OTOG: variants seen among roughly 807,000 people sequenced by gnomAD.
OTOG encodes the protein otogelin.
In OTOG, 296 loss-of-function variants were observed where a neutral mutation model predicts 313.8. The ratio of observed to expected loss-of-function variants is 0.94; its 90% CI spans 0.86 to 1.04. OTOG has a LOEUF of 1.04. Ranked by LOEUF, OTOG falls within the 50% of genes least tolerant of loss-of-function variation. The pLI is 0.00. For synonymous variants in OTOG, 1,533 were observed against 1,554.9 expected, an observed-to-expected ratio of 0.99 and a Z score of 0.33; for missense variants, 3,948 against 3,840.1, an observed-to-expected ratio of 1.03 and a Z score of -0.74.
Position 17,555,907 on chromosome 11 carries a change from A to T in OTOG, c.659+10A>T. On this transcript the variant is annotated intron_variant, in intron 7 of 55. Transcript: ENST00000399397. Reference sequence around the variant, plus strand: ...CCCATGGAGGCATGAGGTAACTCTAACACCTTCCACATCGAGCTGTCCTAT... The same window carrying T: ...CCCATGGAGGCATGAGGTAACTCTATCACCTTCCACATCGAGCTGTCCTAT... 1 of 1,537,012 alleles carries T rather than the reference A, an allele frequency of 6.5e-7. No individual in the cohort carries two copies. Among genetic ancestry groups the T allele is most frequent in the Non-Finnish European group, 8.8e-7 (1 of 1,134,340 alleles).
intron 27 of OTOG, 97 bp downstream of exon 27, chr11:17,593,853 G>A (rs1244382435): frequency 1.4e-6 from 2 of 1,464,712 alleles, no homozygotes; most frequent in African/African-American, 2.8e-5. Flanking sequence ...GAGCCAAGAA[G>A]AGCATGCCTC....
At chr11:17,639,381 A>G in intron 48 of OTOG, 42 bp from the exon 49 acceptor site, 1 of 1,547,624 alleles carries the variant, frequency 6.5e-7, no homozygotes, top group Non-Finnish European at 8.7e-7. Context: ...TCCTACCTGG[A>G]CATCCCTGAT....
At position 17,593,321 on chromosome 11, in the gene OTOG, A is replaced by G. The variant is rs1463567686; in HGVS notation, c.3135A>G (p.Gly1045=). 1 of 1,550,590 alleles carries G rather than the reference A, an allele frequency of 6.4e-7. No individual in the cohort carries two copies. Among genetic ancestry groups the G allele is most frequent in the Non-Finnish European group, 8.7e-7 (1 of 1,146,980 alleles). ...TCATTGTCTTTGATGATGACTCCGG[A>G]AATCCTGTAAGGCTCAGTGCCTGTG... The part of the protein sequence containing the change: ...NSLIVFDDDS[G]NPSPESFLDD... Residue 1045 remains glycine, a synonymous_variant, in exon 26 of 56, where the codon GGA becomes GGG. Transcript: ENST00000399397.
chr11:17,556,338 AC>A, intron 7 of OTOG, among the ~76,000 whole-genome samples: 1 of 152,124 alleles, frequency 6.6e-6, no homozygotes, highest in Non-Finnish European at 1.5e-5. Flanking sequence ...TTGGAGGACC[AC>A]CAGAGGAGTG....
rs1565117570 is a variant in OTOG, at chr11:17,611,332, C to G, written c.6032C>G (p.Ser2011Cys). 6.4e-7 allele frequency: 1 copy of G among 1,550,534 alleles called. No individual in the cohort carries two copies. The highest frequency in any genetic ancestry group is 1.2e-5 in the South Asian group (1 of 84,042). ...GTGGACGAGGCCACCACAGAACCAT[C>G]TGGGCGCTCAGCCCCAGCCCTGAGC... ...EPVDEATTEP[S>C]GRSAPALSIV... Residue 2011 changes from serine to cysteine, a missense_variant, in exon 36 of 56, where the codon TCT (serine) becomes TGT (cysteine). Ser to Cys is a moderately radical substitution (Grantham distance 112). Coordinates refer to ENST00000399397, the MANE Select transcript of OTOG (RefSeq NM_001292063.2).
In OTOG at chr11:17,609,785, C is replaced by A. The variant is rs1187046741; in HGVS notation, c.4485C>A (p.His1495Gln). 6.5e-7 allele frequency: 1 copy of A among 1,548,494 alleles called. No homozygotes were observed. Among genetic ancestry groups the A allele is most frequent in the Non-Finnish European group, 8.7e-7 (1 of 1,145,918 alleles). Reference protein sequence around the residue: ...LSQESPRTPTHRPALTPAAPL... With the variant: ...LSQESPRTPTQRPALTPAAPL... Reference sequence around the variant, plus strand: ...AGGAAAGCCCCAGGACCCCCACCCACAGGCCAGCCCTCACCCCAGCTGCCC... The same window carrying A: ...AGGAAAGCCCCAGGACCCCCACCCAAAGGCCAGCCCTCACCCCAGCTGCCC... Residue 1495 changes from histidine (H) to glutamine (Q), a missense_variant, in exon 36 of 56, where the codon CAC becomes CAA. His to Gln is a conservative substitution (Grantham distance 24). Transcript: ENST00000399397.
chr11:17,596,891 C>G lies in OTOG; in HGVS notation c.3566C>G (p.Thr1189Arg). 1 of 1,551,078 alleles carries G rather than the reference C, an allele frequency of 6.4e-7. No individual in the cohort carries two copies. Among genetic ancestry groups the G allele is most frequent in the Non-Finnish European group, 8.7e-7 (1 of 1,147,102 alleles). ...TTTTACTCAAACTGCCTGACAGACA[C>G]ATGTGGCTGCAGCCAGGGTGGTGAC... ...TWFYSNCLTD[T>R]CGCSQGGDCE... Residue 1189 changes from threonine (T) to arginine (R), a missense_variant, in exon 30 of 56, where the codon ACA becomes AGA. Coordinates refer to ENST00000399397, the MANE Select transcript of OTOG (RefSeq NM_001292063.2).
At chr11:17,620,217 C>A (rs1034184106) in intron 39 of OTOG, among the ~76,000 whole-genome samples, 5 of 152,168 alleles carry the variant, frequency 3.3e-5, no homozygotes, top group South Asian at 2.1e-4. Context: ...CAAAAGGCAA[C>A]CCCATACCCA....
chr11:17,589,621 T>G (rs1333428600), intron 24 of OTOG, among the ~76,000 whole-genome samples: 1 of 152,202 alleles, frequency 6.6e-6, no homozygotes, highest in Non-Finnish European at 1.5e-5. Flanking sequence ...ATATATCGTT[T>G]GAAAAACTTC....
At chr11:17,606,156 G>T (rs923702998) in intron 33 of OTOG, 21 bp downstream of exon 33, 3 of 1,509,462 alleles carry the variant, frequency 2.0e-6, no homozygotes, top group Admixed American at 4.1e-5. Context: ...CCCTGCCATT[G>T]CCCTCGGCCC....
At chr11:17,639,857 G>C (rs1388457848) in intron 49 of OTOG, among the ~76,000 whole-genome samples, 1 of 149,444 alleles carries the variant, frequency 6.7e-6, no homozygotes, top group Non-Finnish European at 1.5e-5. Flanking sequence ...TGGTGATGGT[G>C]ATAATGCAAT....
Position 17,629,354 on chromosome 11 carries a change from C to T in OTOG, c.6712+38C>T, listed in dbSNP as rs1187170596. Reference sequence around the variant, plus strand: ...CCAGCTTGCGGGGAGGGGATGCTTCCCAGGTCCACCTCTGCCCCCACACAT... The same window carrying T: ...CCAGCTTGCGGGGAGGGGATGCTTCTCAGGTCCACCTCTGCCCCCACACAT... On this transcript the variant is annotated intron_variant, in intron 40 of 55. Coordinates refer to ENST00000399397, the MANE Select transcript of OTOG (RefSeq NM_001292063.2). 6 of 1,520,816 alleles carry T rather than the reference C, an allele frequency of 3.9e-6. 1 individual carries two copies. In the South Asian group the frequency reaches 7.4e-5, roughly 19 times the overall value. 94.2% of individuals were successfully genotyped at this position (1,520,816 alleles called of 1,614,324 possible).
rs1477235426 is a variant in OTOG at position 17,569,163 on chromosome 11, A to G, written c.1652A>G (p.Asp551Gly). ...ACCTTTCTATCTCTCCAGAACCAAG[A>G]TGGAGCCTGTGTCCAGTCAGTGTCA... ...LQNAPCGLNQ[D>G]GACVQSVSVI... The change falls in exon 16 of 56, where the codon GAT becomes GGT. Residue 551 changes from aspartate (D) to glycine (G), a missense_variant. By Grantham distance (94) the Asp-to-Gly change is moderately conservative. Transcript: ENST00000399397. 10 of 1,550,616 alleles carry G rather than the reference A, an allele frequency of 6.4e-6. No homozygotes were observed. The Admixed American group carries it at 1.8e-4, about 27-fold the overall frequency.
rs189543038 is a variant in OTOG, at chr11:17,632,245, G to A, written c.7072+19G>A. The stretch of plus-strand genomic sequence containing the variant: ...TACTGCCGTGAGTTTGCGGGGCAGG[G>A]GGACCCTCCATTGTGACTATTGTTC... On this transcript the variant is annotated intron_variant, in intron 42 of 55. Transcript: ENST00000399397. 7.8e-5 allele frequency: 121 copies of A among 1,544,580 alleles called. No individual in the cohort carries two copies. Among genetic ancestry groups the A allele is most frequent in the African/African-American group, 4.7e-4 (34 of 73,070 alleles).
chr11:17,638,660 G>T, intron 48 of OTOG, 111 bp downstream of exon 48: 1 of 1,491,116 alleles, frequency 6.7e-7, no homozygotes, highest in Non-Finnish European at 9.1e-7. Flanking sequence ...TCTGTCCCCT[G>T]CAGGGTCTCT....
chr11:17,549,646 C>T (rs1851891181), intron 3 of OTOG, among the ~76,000 whole-genome samples: 2 of 152,314 alleles, frequency 1.3e-5, no homozygotes, highest in Admixed American at 1.3e-4. Context: ...CAGGAATCCC[C>T]ATGTTTTAGT....
intron 20 of OTOG, among the ~76,000 whole-genome samples, chr11:17,575,664 G>C (rs1316731479): frequency 6.6e-6 from 1 of 152,190 alleles, no homozygotes; most frequent in East Asian, 1.9e-4. Flanking sequence ...TTTGATTGGT[G>C]GTCTTCAAAT....
intron 48 of OTOG, among the ~76,000 whole-genome samples, chr11:17,639,137 G>T (rs1474137360): frequency 6.6e-6 from 1 of 152,236 alleles, no homozygotes; most frequent in Non-Finnish European, 1.5e-5. Flanking sequence ...GGAAACCTGT[G>T]ATTGGCCCAT....
chr11:17,609,259 T>TA (rs1306276483), intron 35 of OTOG, 50 bp downstream of exon 35: 2 of 1,496,754 alleles, frequency 1.3e-6, no homozygotes. Flanking sequence ...TCTAAGTCCC[T>TA]AGGGTCTCAC....
Sources: allele counts gnomAD v4.1 joint callset (sites outside exome capture counted in the v4.1 genomes callset), GRCh38; gene constraint gnomAD v4.1.1; transcripts MANE v1.5; gene names NCBI Gene and HGNC (gene_info 2026-07-23, HGNC 2026-07-21).